The following PDE8B variants were observed in gnomAD, a reference collection of about 807,000 sequenced individuals.
The protein encoded by PDE8B is phosphodiesterase 8B.
PDE8B carries 26 observed loss-of-function variants against 101.3 expected under a neutral mutation model. The ratio of observed to expected loss-of-function variants is 0.26; its 90% CI spans 0.19 to 0.36. PDE8B has a LOEUF of 0.36. Among genes scored for constraint, PDE8B ranks in the 10% least tolerant of loss-of-function variants. The pLI, the probability that PDE8B is intolerant of heterozygous loss-of-function variation, is 1.00. For synonymous variants in PDE8B, 424 were observed against 429.3 expected, an observed-to-expected ratio of 0.99 and a Z score of 0.15; for missense variants, 810 against 1,163.1, an observed-to-expected ratio of 0.70 and a Z score of 4.42.
chr5:77,108,294 T>C, the PDE8B span, among the ~76,000 whole-genome samples: 1 of 152,252 alleles, frequency 6.6e-6, no homozygotes, highest in Non-Finnish European at 1.5e-5. Context: ...TTGACATTCA[T>C]TTTAAATTCT....
the PDE8B span, among the ~76,000 whole-genome samples, chr5:77,185,079 A>T: frequency 6.6e-6 from 1 of 152,166 alleles, no homozygotes. Flanking sequence ...CTTGGCTCAG[A>T]AATGAAGCAT....
chr5:77,290,491 C>A (rs1364720409), intron 1 of PDE8B: 1 of 1,465,326 alleles, frequency 6.8e-7, no homozygotes, highest in Non-Finnish European at 9.6e-7. Context: ...AAAATCTGGG[C>A]AGATATTCCT....
the PDE8B span, among the ~76,000 whole-genome samples, chr5:77,130,145 C>T: frequency 1.3e-5 from 2 of 151,178 alleles, no homozygotes; most frequent in African/African-American, 4.9e-5. Flanking sequence ...TGGAGTGGGG[C>T]GGGGGTGAGG....
At chr5:77,132,476 G>A in the PDE8B span, among the ~76,000 whole-genome samples, 15 of 152,162 alleles carry the variant, frequency 9.9e-5, no homozygotes, top group African/African-American at 3.4e-4. Context: ...ATGATTTTAC[G>A]TCCTTCTACA....
the PDE8B span, among the ~76,000 whole-genome samples, chr5:77,102,358 T>G: frequency 0.12 from 18,851 of 152,196 alleles, 1,411 homozygotes; most frequent in South Asian, 0.19. Context: ...CCTAGGGTAA[T>G]GGAGAAAAGC....
intron 1 of PDE8B, among the ~76,000 whole-genome samples, chr5:77,262,476 A>G (rs976423360): frequency 6.6e-6 from 1 of 152,242 alleles, no homozygotes; most frequent in African/African-American, 2.4e-5. Flanking sequence ...GCTGGAGACA[A>G]AATGCTGGTG....
At position 77,418,343 on chromosome 5, in the gene PDE8B, G is replaced by A. The variant is rs1325710402; in HGVS notation, c.2026G>A (p.Val676Met). The part of the protein sequence containing the change: ...FLCNAGSELA[V>M]LYNDTAVLES... Reference sequence around the variant, plus strand: ...CTGCAATGCAGGCAGTGAGCTTGCTGTGCTCTACAATGACACTGCTGTTCT... The same window carrying A: ...CTGCAATGCAGGCAGTGAGCTTGCTATGCTCTACAATGACACTGCTGTTCT... The change falls in exon 18 of 22, where the codon GTG (valine) becomes ATG (methionine). Residue 676 changes from valine to methionine, a missense_variant. Val to Met is a conservative substitution (Grantham distance 21). Coordinates refer to ENST00000264917, the MANE Select transcript of PDE8B (RefSeq NM_003719.5). 6.8e-6 allele frequency: 11 copies of A among 1,614,006 alleles called. No individual in the cohort carries two copies. Among genetic ancestry groups the A allele is most frequent in the Non-Finnish European group, 8.5e-6 (10 of 1,179,862 alleles).
chr5:77,132,797 G>A, the PDE8B span, among the ~76,000 whole-genome samples: 1 of 152,270 alleles, frequency 6.6e-6, no homozygotes, highest in South Asian at 2.1e-4. Context: ...TTCTCTAGTA[G>A]CTTCTAAGGA....
At chr5:77,125,092 C>A in the PDE8B span, among the ~76,000 whole-genome samples, 4 of 152,184 alleles carry the variant, frequency 2.6e-5, no homozygotes, top group African/African-American at 9.7e-5. Context: ...GGGCTGGCTT[C>A]AGTGATTCTT....
intron 1 of PDE8B, chr5:77,290,521 T>C: frequency 2.0e-6 from 3 of 1,472,580 alleles, no homozygotes; most frequent in South Asian, 2.3e-5. Context: ...CGAGGAGAAA[T>C]AGTAAGACAG....
At chr5:77,338,674 A>G (rs1438083837) in intron 6 of PDE8B, among the ~76,000 whole-genome samples, 1 of 152,184 alleles carries the variant, frequency 6.6e-6, no homozygotes, top group Non-Finnish European at 1.5e-5. Flanking sequence ...AATTGTTATT[A>G]TTCCTGGGGG....
At chr5:77,181,782 C>T in the PDE8B span, among the ~76,000 whole-genome samples, 1 of 152,088 alleles carries the variant, frequency 6.6e-6, no homozygotes, top group Non-Finnish European at 1.5e-5. Context: ...TGAAGTTGGA[C>T]GTGCAGTGCT....
chr5:77,260,242 G>A, intron 1 of PDE8B, among the ~76,000 whole-genome samples: 1 of 150,652 alleles, frequency 6.6e-6, no homozygotes, highest in East Asian at 1.9e-4. Context: ...AAAAACACCA[G>A]CTAATTTGGT....
At position 77,404,792 on chromosome 5, in the gene PDE8B, G is replaced by T. The variant is rs1487777079; in HGVS notation, c.1283G>T (p.Ser428Ile). The change falls in exon 12 of 22, where the codon AGT (serine) becomes ATT (isoleucine). Residue 428 changes from serine to isoleucine, a missense_variant. By Grantham distance (142) the Ser-to-Ile change is moderately radical. Coordinates refer to ENST00000264917, the MANE Select transcript of PDE8B (RefSeq NM_003719.5). ...IDVKSISSRG[S>I]DAPSLQNRRY... The stretch of plus-strand genomic sequence containing the variant: ...GTGAAATCGATATCATCTCGAGGCA[G>T]TGATGGTAAGATGTTTTTCAGATTC... The T allele has an allele frequency of 6.3e-7, 1 of 1,583,210 alleles. No individual in the cohort carries two copies. The highest frequency in any genetic ancestry group is 1.1e-5 in the South Asian group (1 of 90,448).
At chr5:77,152,902 G>A in the PDE8B span, among the ~76,000 whole-genome samples, 3 of 152,124 alleles carry the variant, frequency 2.0e-5, no homozygotes, top group Non-Finnish European at 4.4e-5. Flanking sequence ...TTGCATGGAG[G>A]AAGAAGGGAG....
intron 1 of PDE8B, among the ~76,000 whole-genome samples, chr5:77,271,443 TA>T (rs1259799762): frequency 6.6e-6 from 1 of 152,156 alleles, no homozygotes; most frequent in Non-Finnish European, 1.5e-5. Context: ...GAGTTGGGGA[TA>T]GGGGTGTAGA....
intron 1 of PDE8B, among the ~76,000 whole-genome samples, chr5:77,299,377 T>C (rs2150021739): frequency 6.6e-6 from 1 of 151,376 alleles, no homozygotes; most frequent in South Asian, 2.1e-4. Context: ...ACCCATTAAC[T>C]CGTCATTTAG....
At chr5:77,398,704 C>T (rs1012319559) in intron 10 of PDE8B, among the ~76,000 whole-genome samples, 46 of 152,334 alleles carry the variant, frequency 3.0e-4, no homozygotes, top group East Asian at 9.7e-4. Flanking sequence ...GCTGCCCTTC[C>T]GGGCCACAGT....
Position 77,412,132 on chromosome 5 carries a change from C to A in PDE8B, c.1609C>A (p.Pro537Thr). 1 of 1,613,894 alleles carries A rather than the reference C, an allele frequency of 6.2e-7. No individual in the cohort carries two copies. The highest frequency in any genetic ancestry group is 8.5e-7 in the Non-Finnish European group (1 of 1,179,800). The change falls in exon 16 of 22, where the codon CCA becomes ACA. Residue 537 changes from proline (P) to threonine (T), a missense_variant. By Grantham distance (38) the Pro-to-Thr change is conservative (BLOSUM62 -1). Coordinates refer to ENST00000264917, the MANE Select transcript of PDE8B (RefSeq NM_003719.5). ...VHQSHSHLAM[P>T]ITINDVPPCI... is the part of the protein sequence containing the mutation. ...CCAGAGTCACAGTCACCTTGCAATG[C>A]CAATAACCATCAATGATGTTCCCCC...
Sources: gnomAD v4.1 joint callset for allele counts (sites outside exome capture counted in the v4.1 genomes callset) on GRCh38, gnomAD v4.1.1 for gene constraint, MANE v1.5 for transcripts, NCBI Gene and HGNC (gene_info 2026-07-23, HGNC 2026-07-21) for gene names.